The following CHST6 variants were observed in gnomAD, a reference collection of about 807,000 sequenced individuals.
The protein encoded by CHST6 is N-acetylglucosamine 6-O-sulfotransferase 5.
For synonymous variants in CHST6, 309 were observed against 276.4 expected, an observed-to-expected ratio of 1.12 and a Z score of -1.17; for missense variants, 698 against 586.2, an observed-to-expected ratio of 1.19 and a Z score of -1.97.
rs576737063 is a variant in CHST6, at chr16:75,484,660, A to T, written c.-91-2769T>A. Among the ~76,000 whole-genome samples the T allele has an allele frequency of 3.9e-5, 6 of 152,168 alleles. No individual in the cohort carries two copies. The East Asian group carries it at 9.7e-4, about 25-fold the overall frequency. Reference sequence around the variant, plus strand: ...AGGTCAGTAGATCGAGACCAGCCTGACCAACATGACAAAACCCTACTAAAA... The same window carrying T: ...AGGTCAGTAGATCGAGACCAGCCTGTCCAACATGACAAAACCCTACTAAAA... On this transcript the variant is annotated intron_variant, in intron 1 of 2. Coordinates refer to ENST00000332272, the MANE Select transcript of CHST6 (RefSeq NM_021615.5).
chr16:75,474,464 T>TG lies in CHST6; in HGVS notation c.*4176dup, dbSNP rs1394676192. 2 of 395,088 alleles carry TG rather than the reference T, an allele frequency of 5.1e-6. No homozygotes were observed. The highest frequency in any genetic ancestry group is 3.6e-5 in the East Asian group (1 of 27,928). 24.5% of individuals were successfully genotyped at this position (395,088 alleles called of 1,614,324 possible). A position where few individuals can be genotyped will look rare whatever the true frequency, so the allele number is the denominator to read the frequency against. ...TAATTTTTTTTTAACTTTGTAGAGA[T>TG]GGGGTCTCACTATGTTGCCCAGGCT... On this transcript the variant is annotated 3_prime_UTR_variant, in exon 3 of 3. Coordinates refer to ENST00000332272, the MANE Select transcript of CHST6 (RefSeq NM_021615.5).
intron 1 of CHST6, among the ~76,000 whole-genome samples, chr16:75,490,173 C>CAAAA (rs58903978): frequency 4.7e-4 from 19 of 40,578 alleles, no homozygotes; most frequent in East Asian, 1.2e-3. Context: ...GACTTTGCCT[C>CAAAA]AAAAAAAAAA....
chr16:75,483,669 T>C (rs1005888363), intron 1 of CHST6, among the ~76,000 whole-genome samples: 1 of 152,136 alleles, frequency 6.6e-6, no homozygotes, highest in Admixed American at 6.5e-5. Flanking sequence ...TCTGTTTTAA[T>C]TGAAGCAGTG....
chr16:75,491,735 CA>C (rs1348893906), intron 1 of CHST6, among the ~76,000 whole-genome samples: 1 of 152,170 alleles, frequency 6.6e-6, no homozygotes, highest in Admixed American at 6.6e-5. Context: ...ACTTTTACTA[CA>C]ATGATAAAAT....
chr16:75,479,884 C>T, intron 2 of CHST6, 40 bp from the exon 3 acceptor site: 1 of 1,508,784 alleles, frequency 6.6e-7, no homozygotes, highest in East Asian at 2.5e-5. Flanking sequence ...CTGCAGCCTG[C>T]ACGCCCATCC....
chr16:75,491,854 A>G (rs1157163969), intron 1 of CHST6, among the ~76,000 whole-genome samples: 4 of 152,170 alleles, frequency 2.6e-5, no homozygotes, highest in Non-Finnish European at 2.9e-5. Flanking sequence ...TGACCTGAGT[A>G]CCCAGTTAGC....
In CHST6 at chr16:75,472,171, T is replaced by C. The variant is rs1335161647; in HGVS notation, c.*6470A>G. On this transcript the variant is annotated 3_prime_UTR_variant, in exon 3 of 3. Transcript: ENST00000332272. Reference sequence around the variant, plus strand: ...AATATGATAAACTAGGTGAAACTTTTTGAAATTTGATTGTGATGAGGTGGT... The same window carrying C: ...AATATGATAAACTAGGTGAAACTTTCTGAAATTTGATTGTGATGAGGTGGT... 6.6e-6 allele frequency: 1 copy of C among 152,232 alleles called. No homozygotes were observed. Among genetic ancestry groups the C allele is most frequent in the East Asian group, 1.9e-4 (1 of 5,200 alleles). The allele number at this position is 152,232 out of a possible 1,614,324, so 9.4% of individuals were successfully genotyped here.
In CHST6 at chr16:75,479,447, C is replaced by T. The variant is rs999278906; in HGVS notation, c.382G>A (p.Ala128Thr). The change falls in exon 3 of 3, where the codon GCA (alanine) becomes ACA (threonine). Residue 128 changes from alanine to threonine, a missense_variant. Ala to Thr is a moderately conservative substitution (Grantham distance 58). Transcript: ENST00000332272. ...CTGCAGGCGGGTGGCGAGCACAGTG[C>T]ACGGCTCACGGCCCACTGGAAGAGG... is the stretch of plus-strand genomic sequence containing the variant. Reference protein sequence around the residue: ...SDLFQWAVSRALCSPPACSAF... With the variant: ...SDLFQWAVSRTLCSPPACSAF... The T allele has an allele frequency of 6.2e-7, 1 of 1,612,896 alleles. No homozygotes were observed. The highest frequency in any genetic ancestry group is 1.6e-4 in the Middle Eastern group (1 of 6,062).
rs957370958 is a variant in CHST6 at position 75,472,257 on chromosome 16, T to G, written c.*6384A>C. ...AAACTTTACACTTTATGTGCAGATG[T>G]TGTATATCAATTATAGCTCAATGAA... is the stretch of plus-strand genomic sequence containing the variant. On this transcript the variant is annotated 3_prime_UTR_variant, in exon 3 of 3. Coordinates refer to ENST00000332272, the MANE Select transcript of CHST6 (RefSeq NM_021615.5). 7 of 152,222 alleles carry G rather than the reference T, an allele frequency of 4.6e-5. No individual in the cohort carries two copies. Among genetic ancestry groups the G allele is most frequent in the African/African-American group, 1.4e-4 (6 of 41,458 alleles). 9.4% of individuals were successfully genotyped at this position (152,222 alleles called of 1,614,324 possible).
intron 1 of CHST6, among the ~76,000 whole-genome samples, chr16:75,491,119 C>G (rs1238656407): frequency 4.8e-5 from 6 of 124,666 alleles, no homozygotes; most frequent in Non-Finnish European, 9.5e-5. Flanking sequence ...GAGCTGAAAT[C>G]AAGCCACTGC....
rs916401556 is a variant in CHST6 at position 75,479,100 on chromosome 16, G to T, written c.729C>A (p.Arg243=). The part of the protein sequence containing the change: ...VEADPGLRVV[R]EVCRSHVRIA... ...TGCGTACGTGGCTACGGCACACCTC[G>T]CGCACCACGCGCAGGCCGGGGTCGG... Residue 243 remains arginine (R), a synonymous_variant, in exon 3 of 3, where the codon CGC becomes CGA. Coordinates refer to ENST00000332272, the MANE Select transcript of CHST6 (RefSeq NM_021615.5). 6.2e-7 allele frequency: 1 copy of T among 1,604,666 alleles called. No homozygotes were observed. The highest frequency in any genetic ancestry group is 2.2e-5 in the East Asian group (1 of 44,806).
intron 1 of CHST6, among the ~76,000 whole-genome samples, chr16:75,494,095 T>A (rs1261884397): frequency 1.3e-5 from 2 of 152,182 alleles, no homozygotes; most frequent in Non-Finnish European, 2.9e-5. Context: ...TCCACCTGCC[T>A]CGGCCTCCCA....
At chr16:75,480,305 C>T (rs564028499) in intron 2 of CHST6, among the ~76,000 whole-genome samples, 125 of 152,308 alleles carry the variant, frequency 8.2e-4, no homozygotes, top group Admixed American at 3.3e-3. Flanking sequence ...TCTTCCACTC[C>T]GTAGCCTGTG....
At chr16:75,486,331 A>T (rs780941971) in intron 1 of CHST6, among the ~76,000 whole-genome samples, 1 of 152,244 alleles carries the variant, frequency 6.6e-6, no homozygotes, top group African/African-American at 2.4e-5. Flanking sequence ...TGCACTGGAC[A>T]TGCTTGGTTC....
rs1215977456 is a variant in CHST6 at position 75,495,150 on chromosome 16, C to G, written c.-302G>C. ...ACCCGGTGAGGCCGGGAAAGGGGCT[C>G]TAAGAGGCATGGACGAGAGTTGGCG... On this transcript the variant is annotated 5_prime_UTR_variant, in exon 1 of 3. Transcript: ENST00000332272. The G allele has an allele frequency of 6.6e-6, 1 of 152,526 alleles. No homozygotes were observed. The highest frequency in any genetic ancestry group is 1.5e-5 in the Non-Finnish European group (1 of 68,306). The allele number at this position is 152,526 out of a possible 1,614,324, so 9.4% of individuals were successfully genotyped here.
Position 75,478,384 on chromosome 16 carries a change from T to G in CHST6, c.*257A>C. On this transcript the variant is annotated 3_prime_UTR_variant, in exon 3 of 3. Coordinates refer to ENST00000332272, the MANE Select transcript of CHST6 (RefSeq NM_021615.5). ...AGCCAAGTCATCTGAACGCACACCC[T>G]GTGCCCAGAGGAGGAGGGGCAAGAG... 1 of 496,488 alleles carries G rather than the reference T, an allele frequency of 2.0e-6. No individual in the cohort carries two copies. The highest frequency in any genetic ancestry group is 2.1e-5 in the South Asian group (1 of 47,520). 30.8% of individuals were successfully genotyped at this position (496,488 alleles called of 1,614,324 possible).
intron 1 of CHST6, among the ~76,000 whole-genome samples, chr16:75,486,218 C>T (rs372210172): frequency 1.3e-5 from 2 of 152,252 alleles, no homozygotes; most frequent in Non-Finnish European, 2.9e-5. Flanking sequence ...TTGTACTTTG[C>T]TTTCCCTTCT....
rs2080047967 is a variant in CHST6 at position 75,474,588 on chromosome 16, A to G, written c.*4053T>C. 2.5e-6 allele frequency: 1 copy of G among 398,502 alleles called. No individual in the cohort carries two copies. The highest frequency in any genetic ancestry group is 4.4e-6 in the Non-Finnish European group (1 of 226,144). The allele number at this position is 398,502 out of a possible 1,614,324, so 24.7% of individuals were successfully genotyped here. ...ACTGAACCCAGCAAGGGTCATATAT[A>G]ATAAATAGAAGTGTATTGGCTTACA... On this transcript the variant is annotated 3_prime_UTR_variant, in exon 3 of 3. Transcript: ENST00000332272.
intron 1 of CHST6, among the ~76,000 whole-genome samples, chr16:75,488,791 G>A (rs537700240): frequency 2.7e-5 from 4 of 150,902 alleles, no homozygotes; most frequent in African/African-American, 7.4e-5. Flanking sequence ...GGAGGCTGAG[G>A]CAGGAGAATC....
Sources: allele counts gnomAD v4.1 joint callset (sites outside exome capture counted in the v4.1 genomes callset), GRCh38; gene constraint gnomAD v4.1.1; transcripts MANE v1.5; gene names NCBI Gene and HGNC (gene_info 2026-07-23, HGNC 2026-07-21).